COL11A1: variants seen among roughly 807,000 people sequenced by gnomAD.
COL11A1 encodes the protein collagen type XI alpha 1 chain, also known as collagen alpha-1(XI) chain.
COL11A1 carries 74 observed loss-of-function variants against 265.2 expected under a neutral mutation model. The ratio of observed to expected loss-of-function variants is 0.28; its 90% CI spans 0.23 to 0.34. The LOEUF (loss-of-function observed/expected upper bound fraction) is 0.34, where lower values mean the gene tolerates loss of function less well. Among genes scored for constraint, COL11A1 ranks in the 10% least tolerant of loss-of-function variants. The pLI, the probability that COL11A1 is intolerant of heterozygous loss-of-function variation, is 1.00. For missense variants in COL11A1, 2,165 were observed against 2,263.6 expected (o/e 0.96, Z 0.88); for synonymous variants, 816 against 727.6 (o/e 1.12, Z -1.96).
rs1234809688 is a variant in COL11A1, at chr1:103,000,942, A to C, written c.2142+983T>G. The C allele has an allele frequency of 7.9e-6, 3 of 380,040 alleles. No homozygotes were observed. In the East Asian group the frequency reaches 1.1e-4, roughly 14 times the overall value. The allele number at this position is 380,040 out of a possible 1,614,324, so 23.5% of individuals were successfully genotyped here. On this transcript the variant is annotated intron_variant, in intron 24 of 66. Transcript: ENST00000370096. ...AGAACAAAATAAGGAGCAAAGTACT[A>C]ATATATGTATGCTACAGCATGGATG...
rs115733365 is a variant in COL11A1, at chr1:103,101,060, G to A, written c.106+7013C>T. On this transcript the variant is annotated intron_variant, in intron 1 of 66. Coordinates refer to ENST00000370096, the MANE Select transcript of COL11A1 (RefSeq NM_001854.4). ...ACTTAAATTTCGAAGTATAAAGTAGGAGAAGGTGTTTGCTGATGGAAGAGA... is the reference window on the plus strand; with the variant it reads ...ACTTAAATTTCGAAGTATAAAGTAGAAGAAGGTGTTTGCTGATGGAAGAGA... 1.7e-3 allele frequency among the ~76,000 whole-genome samples: 261 copies of A among 152,080 alleles called. 1 individual carries two copies. Among genetic ancestry groups the A allele is most frequent in the African/African-American group, 6.0e-3 (248 of 41,516 alleles).
rs755785238 is a variant in COL11A1 at position 103,045,951 on chromosome 1, AT to A, written c.652-14708del. Among the ~76,000 whole-genome samples the A allele has an allele frequency of 8.3e-3, 1,254 of 151,388 alleles. 9 individuals are homozygous for A. Among genetic ancestry groups the A allele is most frequent in the African/African-American group, 0.012 (512 of 41,310 alleles). On this transcript the variant is annotated intron_variant, in intron 4 of 66. Transcript: ENST00000370096. Reference sequence around the variant, plus strand: ...TCCCTACAAAGGACATGAACTCATCATTTTTTTATGGCTGCATAGTATTCCA... The same window carrying A: ...TCCCTACAAAGGACATGAACTCATCATTTTTTATGGCTGCATAGTATTCCA...
chr1:103,083,819 C>A (rs947353189), intron 1 of COL11A1, among the ~76,000 whole-genome samples: 2 of 152,102 alleles, frequency 1.3e-5, no homozygotes, highest in Admixed American at 1.3e-4. Flanking sequence ...TGCCCCTTCA[C>A]ATTTTTTTTG....
intron 4 of COL11A1, among the ~76,000 whole-genome samples, chr1:103,071,786 G>T (rs1022730507): frequency 2.7e-5 from 4 of 148,456 alleles, no homozygotes; most frequent in Non-Finnish European, 5.9e-5. Flanking sequence ...ATAAGAAAAA[G>T]AAGTAATAAT....
At chr1:102,889,423 G>T (rs1240855132) in intron 59 of COL11A1, 32 bp downstream of exon 59, 4 of 998,344 alleles carry the variant, frequency 4.0e-6, no homozygotes, top group Non-Finnish European at 6.3e-6. Flanking sequence ...TATTGGAAAT[G>T]AGTAGAAAAA....
At chr1:102,905,038 C>G (rs953533747) in intron 54 of COL11A1, among the ~76,000 whole-genome samples, 1 of 151,786 alleles carries the variant, frequency 6.6e-6, no homozygotes, top group Non-Finnish European at 1.5e-5. Flanking sequence ...GAATACTATG[C>G]AGCCATAAAA....
intron 31 of COL11A1, among the ~76,000 whole-genome samples, chr1:102,983,608 G>A (rs780752671): frequency 6.6e-6 from 1 of 152,024 alleles, no homozygotes; most frequent in Admixed American, 6.6e-5. Context: ...TCTGGAGGGA[G>A]CATGGCCCTA....
chr1:103,107,157 G>A (rs1273498724), intron 1 of COL11A1, among the ~76,000 whole-genome samples: 2 of 152,056 alleles, frequency 1.3e-5, no homozygotes, highest in Non-Finnish European at 2.9e-5. Flanking sequence ...GAGTGAAGTC[G>A]CTCTCCCTCC....
intron 35 of COL11A1, among the ~76,000 whole-genome samples, chr1:102,978,306 G>A (rs1212113001): frequency 6.6e-6 from 1 of 152,090 alleles, no homozygotes; most frequent in African/African-American, 2.4e-5. Context: ...CTGGCTTAAT[G>A]GCTACTAGTA....
At chr1:102,989,855 A>G (rs1241961097) in intron 28 of COL11A1, among the ~76,000 whole-genome samples, 1 of 152,136 alleles carries the variant, frequency 6.6e-6, no homozygotes, top group African/African-American at 2.4e-5. Flanking sequence ...CCATTCTCCC[A>G]TAACAACATG....
chr1:102,940,803 CA>C (rs896211935), intron 42 of COL11A1, among the ~76,000 whole-genome samples: 5 of 152,036 alleles, frequency 3.3e-5, no homozygotes, highest in Non-Finnish European at 7.4e-5. Context: ...CTTTAGAAAT[CA>C]AAAAATGCAG....
At chr1:103,067,038 A>G (rs527943652) in intron 4 of COL11A1, among the ~76,000 whole-genome samples, 5 of 151,950 alleles carry the variant, frequency 3.3e-5, no homozygotes, top group Admixed American at 2.0e-4. Flanking sequence ...AAAAAATGGC[A>G]AAATGAAAAG....
chr1:103,021,591 A>T (rs1667080089), intron 9 of COL11A1, 116 bp downstream of exon 9: 2 of 735,058 alleles, frequency 2.7e-6, no homozygotes, highest in Non-Finnish European at 5.0e-6. Flanking sequence ...TGAATTGCAA[A>T]CATCTGGACA....
At chr1:102,898,277 A>T in intron 56 of COL11A1, 99 bp from the exon 57 acceptor site, 1 of 518,254 alleles carries the variant, frequency 1.9e-6, no homozygotes, top group Non-Finnish European at 2.8e-6. Context: ...AAACAAAGGA[A>T]ATATCACCCT....
At chr1:103,045,446 T>C (rs1486491680) in intron 4 of COL11A1, among the ~76,000 whole-genome samples, 1 of 152,088 alleles carries the variant, frequency 6.6e-6, no homozygotes, top group Admixed American at 6.6e-5. Context: ...ATACTGATAG[T>C]TATAATAATA....
intron 20 of COL11A1, among the ~76,000 whole-genome samples, 180 bp from the exon 21 acceptor site, chr1:103,003,448 C>G (rs1665320583): frequency 6.6e-6 from 1 of 151,880 alleles, no homozygotes; most frequent in Non-Finnish European, 1.5e-5. Context: ...GATCCAAAAG[C>G]CAGAATAAAT....
intron 4 of COL11A1, among the ~76,000 whole-genome samples, 185 bp from the exon 5 acceptor site, chr1:103,031,429 C>T (rs1481071115): frequency 6.6e-6 from 1 of 152,054 alleles, no homozygotes; most frequent in East Asian, 1.9e-4. Flanking sequence ...TACAAATCGG[C>T]TGTAAATATT....
At chr1:103,084,317 T>C (rs555683351) in intron 1 of COL11A1, among the ~76,000 whole-genome samples, 1 of 152,266 alleles carries the variant, frequency 6.6e-6, no homozygotes, top group East Asian at 1.9e-4. Context: ...AGAATTTTCA[T>C]TTAAGTAGAC....
At chr1:102,992,687 T>G (rs993645539) in intron 28 of COL11A1, among the ~76,000 whole-genome samples, 5 of 152,078 alleles carry the variant, frequency 3.3e-5, no homozygotes, top group Admixed American at 3.3e-4. Flanking sequence ...TTGTAATCTA[T>G]AATAAAACAT....
Sources: allele counts gnomAD v4.1 joint callset (sites outside exome capture counted in the v4.1 genomes callset), GRCh38; gene constraint gnomAD v4.1.1; transcripts MANE v1.5; gene names NCBI Gene and HGNC (gene_info 2026-07-23, HGNC 2026-07-21).